The following RANBP2 variants were observed in gnomAD, a reference collection of about 807,000 sequenced individuals.
The protein encoded by RANBP2 is E3 SUMO-protein ligase RanBP2.
A neutral mutation model predicts 303.6 loss-of-function variants in RANBP2; 57 were observed. That is an observed-to-expected ratio of 0.19 (90% CI 0.15 to 0.23). The LOEUF is 0.23. Among genes scored for constraint, RANBP2 ranks in the 10% least tolerant of loss-of-function variants. The pLI is 1.00. For missense variants in RANBP2, 3,138 were observed against 3,780.8 expected (o/e 0.83, Z 4.46); for synonymous variants, 1,167 against 1,301.5 (o/e 0.90, Z 2.23).
At chr2:109,588,890 A>G in the RANBP2 span, among the ~76,000 whole-genome samples, 1 of 151,656 alleles carries the variant, frequency 6.6e-6, no homozygotes, top group Non-Finnish European at 1.5e-5. Flanking sequence ...ATAGCTAATA[A>G]GCCAAAAGCA....
the RANBP2 span, among the ~76,000 whole-genome samples, chr2:109,583,408 T>G: frequency 6.6e-6 from 1 of 152,136 alleles, no homozygotes; most frequent in African/African-American, 2.4e-5. Context: ...AACTCATCAT[T>G]AGAGAAATGC....
At chr2:109,085,446 C>T in the RANBP2 span, among the ~76,000 whole-genome samples, 10 of 144,296 alleles carry the variant, frequency 6.9e-5, no homozygotes, top group Non-Finnish European at 7.6e-5. Context: ...TGGGCCTACA[C>T]GCGCCCGCCA....
chr2:109,399,029 A>G, the RANBP2 span: 1 of 1,382,440 alleles, frequency 7.2e-7, no homozygotes, highest in Non-Finnish European at 9.8e-7. Context: ...CCGTTCCTCA[A>G]CTAGCATGGA....
At chr2:109,347,869 G>A in the RANBP2 span, 428 of 1,613,346 alleles carry the variant, frequency 2.7e-4, 3 homozygotes, top group Middle Eastern at 2.0e-3. Context: ...CTTGCCACAC[G>A]CCCCGCCCCA....
the RANBP2 span, among the ~76,000 whole-genome samples, chr2:109,588,447 T>C: frequency 6.6e-6 from 1 of 152,118 alleles, no homozygotes; most frequent in Non-Finnish European, 1.5e-5. Context: ...ACAGGAGGAC[T>C]GAAGGAATAT....
chr2:109,724,544 A>G, the RANBP2 span, among the ~76,000 whole-genome samples: 2 of 152,066 alleles, frequency 1.3e-5, no homozygotes, highest in African/African-American at 2.4e-5. Flanking sequence ...TGGTGGGCAC[A>G]CTCCTCAGAA....
the RANBP2 span, among the ~76,000 whole-genome samples, chr2:108,830,819 CAA>C: frequency 7.2e-6 from 1 of 138,474 alleles, no homozygotes; most frequent in Non-Finnish European, 1.6e-5. Context: ...AAATAAAAAA[CAA>C]AAAAAAAAAC....
the RANBP2 span, among the ~76,000 whole-genome samples, chr2:109,003,854 T>C: frequency 7.9e-5 from 12 of 152,166 alleles, no homozygotes; most frequent in Non-Finnish European, 1.5e-4. Context: ...AGATATTATA[T>C]GAAGAGACAC....
At chr2:109,123,050 G>T in the RANBP2 span, among the ~76,000 whole-genome samples, 9 of 152,200 alleles carry the variant, frequency 5.9e-5, no homozygotes, top group Non-Finnish European at 1.3e-4. Context: ...CCTGGTGGAC[G>T]ATGTAGCCCA....
At chr2:109,582,075 GACACACACACACACACAC>G in the RANBP2 span, among the ~76,000 whole-genome samples, 16 of 143,884 alleles carry the variant, frequency 1.1e-4, no homozygotes, top group African/African-American at 3.0e-4. Context: ...ATGTACAACA[GACACACACACACACACAC>G]ACACACACAC....
At chr2:109,317,612 C>T in the RANBP2 span, among the ~76,000 whole-genome samples, 2 of 152,164 alleles carry the variant, frequency 1.3e-5, no homozygotes, top group African/African-American at 4.8e-5. Context: ...ACCTTGGTTT[C>T]TGTGACTTGC....
the RANBP2 span, among the ~76,000 whole-genome samples, chr2:109,054,082 T>C: frequency 6.6e-6 from 1 of 152,082 alleles, no homozygotes; most frequent in African/African-American, 2.4e-5. Context: ...TGGTGTGGGG[T>C]CTCAGCATGC....
the RANBP2 span, among the ~76,000 whole-genome samples, chr2:109,326,762 G>C: frequency 2.0e-5 from 3 of 152,174 alleles, no homozygotes; most frequent in Non-Finnish European, 2.9e-5. Flanking sequence ...AGTGGTTCTG[G>C]ATACAGTAAC....
the RANBP2 span, chr2:109,732,907 A>C: frequency 1.2e-6 from 1 of 824,890 alleles, no homozygotes; most frequent in Admixed American, 1.8e-5. Context: ...ATGGAAGAAC[A>C]CTATGTGGCC....
At chr2:109,087,984 G>T in the RANBP2 span, among the ~76,000 whole-genome samples, 2 of 152,208 alleles carry the variant, frequency 1.3e-5, no homozygotes, top group Admixed American at 1.3e-4. Flanking sequence ...AGTTTCTTCG[G>T]CCGGGCGCGT....
the RANBP2 span, among the ~76,000 whole-genome samples, chr2:109,035,820 A>C: frequency 2.0e-5 from 3 of 152,032 alleles, no homozygotes; most frequent in Non-Finnish European, 2.9e-5. Context: ...GGGTAAACAC[A>C]AAAAAAATAA....
the RANBP2 span, among the ~76,000 whole-genome samples, chr2:109,444,790 T>C: frequency 6.6e-6 from 1 of 152,066 alleles, no homozygotes; most frequent in Non-Finnish European, 1.5e-5. Flanking sequence ...ACATTAAGAT[T>C]TCAAAACACA....
chr2:108,994,407 A>G, the RANBP2 span, among the ~76,000 whole-genome samples: 7 of 152,218 alleles, frequency 4.6e-5, no homozygotes, highest in Non-Finnish European at 1.0e-4. Context: ...CTCGCTGAGA[A>G]TGGCTTTACG....
the RANBP2 span, among the ~76,000 whole-genome samples, chr2:109,283,102 G>A: frequency 2.0e-5 from 3 of 152,230 alleles, no homozygotes; most frequent in Non-Finnish European, 4.4e-5. Flanking sequence ...CAGCGGTGAT[G>A]ATGGCAGATG....
Sources: allele counts gnomAD v4.1 joint callset (sites outside exome capture counted in the v4.1 genomes callset), GRCh38; gene constraint gnomAD v4.1.1; transcripts MANE v1.5; gene names NCBI Gene and HGNC (gene_info 2026-07-23, HGNC 2026-07-21).